The following ZDHHC15 variants were observed in gnomAD, a reference collection of about 807,000 sequenced individuals.
ZDHHC15 encodes zDHHC palmitoyltransferase 15, also known as palmitoyltransferase ZDHHC15.
A neutral mutation model predicts 31.7 loss-of-function variants in ZDHHC15; 19 were observed. That is an observed-to-expected ratio of 0.60 (90% CI 0.42 to 0.88). ZDHHC15 has a LOEUF of 0.88. Among genes scored for constraint, ZDHHC15 ranks in the 40% least tolerant of loss-of-function variants. ZDHHC15 has a pLI of 0.00. For missense variants in ZDHHC15, 209 were observed against 251.2 expected, an observed-to-expected ratio of 0.83 and a Z score of 1.14; for synonymous variants, 103 against 90.0, an observed-to-expected ratio of 1.14 and a Z score of -0.82.
At chrX:75,457,380 T>C (rs1212900456) in intron 3 of ZDHHC15, among the ~76,000 whole-genome samples, 2 of 111,383 alleles carry the variant, frequency 1.8e-5, no homozygotes, top group East Asian at 5.6e-4. Flanking sequence ...ATTCTTTATA[T>C]ATTTTGGATA....
At chrX:75,401,959 A>T (rs2083363202) in intron 10 of ZDHHC15, among the ~76,000 whole-genome samples, 1 of 112,627 alleles carries the variant, frequency 8.9e-6, no homozygotes, top group South Asian at 3.6e-4. Flanking sequence ...GCCACATGGC[A>T]CATACTCTAA....
intron 3 of ZDHHC15, among the ~76,000 whole-genome samples, chrX:75,467,789 T>C (rs1442302673): frequency 8.9e-6 from 1 of 111,814 alleles, no homozygotes; most frequent in Non-Finnish European, 1.9e-5. Flanking sequence ...GTCCATTTTA[T>C]AGTGTACAAT....
chrX:75,460,438 C>T (rs1602664513), intron 3 of ZDHHC15, among the ~76,000 whole-genome samples: 1 of 111,410 alleles, frequency 9.0e-6, no homozygotes, highest in Admixed American at 9.5e-5. Flanking sequence ...CAAAAAGCAG[C>T]CAGACTGCTT....
At chrX:75,407,593 G>A (rs1444905885) in intron 10 of ZDHHC15, among the ~76,000 whole-genome samples, 3 of 111,164 alleles carry the variant, frequency 2.7e-5, no homozygotes, top group African/African-American at 9.8e-5. Flanking sequence ...TTGGGAGGTG[G>A]GGGACAGCCC....
At chrX:75,412,360 TG>T (rs2083493840) in intron 10 of ZDHHC15, among the ~76,000 whole-genome samples, 1 of 111,541 alleles carries the variant, frequency 9.0e-6, no homozygotes, top group Non-Finnish European at 1.9e-5. Context: ...AACTAAGCTA[TG>T]GAAACAACTG....
intron 4 of ZDHHC15, among the ~76,000 whole-genome samples, chrX:75,444,204 A>C (rs1450697835): frequency 9.0e-6 from 1 of 110,588 alleles, no homozygotes; most frequent in Admixed American, 9.7e-5. Flanking sequence ...AATAGCAAAG[A>C]CTTGGAACTA....
intron 10 of ZDHHC15, among the ~76,000 whole-genome samples, chrX:75,411,877 G>A (rs2083489236): frequency 8.9e-6 from 1 of 111,917 alleles, no homozygotes; most frequent in Non-Finnish European, 1.9e-5. Flanking sequence ...CTGTATACCT[G>A]ATAAGGGGTT....
intron 2 of ZDHHC15, among the ~76,000 whole-genome samples, chrX:75,491,562 A>T (rs2084893417): frequency 9.2e-6 from 1 of 109,281 alleles, no homozygotes; most frequent in African/African-American, 3.3e-5. Context: ...CCAGCATGGC[A>T]CATGTATACA....
rs759031691 is a variant in ZDHHC15, at chrX:75,505,853, AAG to A, written c.137-8_137-7del. 2 of 1,198,972 alleles carry A rather than the reference AAG, an allele frequency of 1.7e-6. No individual in the cohort carries two copies. The highest frequency in any genetic ancestry group is 5.9e-5 in the East Asian group (2 of 33,695). Reference sequence around the variant, plus strand: ...TGCTGGGCTCAAAACAGTCACTGTGAAGAGACAGGAGAAAGAGAGACAGACAG... The same window carrying A: ...TGCTGGGCTCAAAACAGTCACTGTGAAGACAGGAGAAAGAGAGACAGACAG... On this transcript the variant is annotated splice_polypyrimidine_tract_variant and splice_region_variant and intron_variant, in intron 1 of 11. Coordinates refer to ENST00000373367, the MANE Select transcript of ZDHHC15 (RefSeq NM_144969.3).
chrX:75,411,215 A>ATT (rs58249422), intron 10 of ZDHHC15, among the ~76,000 whole-genome samples: 446 of 103,913 alleles, frequency 4.3e-3, no homozygotes, highest in South Asian at 8.9e-3. Context: ...TCTATTGTAC[A>ATT]TTTTTTTTTT....
intron 5 of ZDHHC15, among the ~76,000 whole-genome samples, chrX:75,430,778 C>G (rs1301379786): frequency 9.0e-6 from 1 of 111,260 alleles, no homozygotes; most frequent in Non-Finnish European, 1.9e-5. Flanking sequence ...TTATAGGTAC[C>G]CTTAATATGA....
chrX:75,522,797 G>T (rs375734027), intron 1 of ZDHHC15, 92 bp downstream of exon 1: 1 of 1,111,368 alleles, frequency 9.0e-7, no homozygotes, highest in Non-Finnish European at 1.2e-6. Flanking sequence ...CAGAGAGAAG[G>T]CTTGAGAACA....
At chrX:75,382,069 G>T (rs1296591704) in intron 10 of ZDHHC15, among the ~76,000 whole-genome samples, 1 of 111,913 alleles carries the variant, frequency 8.9e-6, no homozygotes, top group Non-Finnish European at 1.9e-5. Context: ...GCAGAGCTAA[G>T]CCTATATTAG....
At chrX:75,449,201 T>TAC (rs3075226) in intron 4 of ZDHHC15, among the ~76,000 whole-genome samples, 853 of 76,591 alleles carry the variant, frequency 0.011, 22 homozygotes, top group African/African-American at 0.039. Flanking sequence ...TCTCTCTCTA[T>TAC]ACACACACAC....
At chrX:75,468,663 T>C (rs1208886057) in intron 3 of ZDHHC15, among the ~76,000 whole-genome samples, 1 of 111,912 alleles carries the variant, frequency 8.9e-6, no homozygotes, top group Admixed American at 9.5e-5. Flanking sequence ...ACATCAGTCA[T>C]ACCATTTTAC....
At position 75,369,668 on chromosome X, in the gene ZDHHC15, G is replaced by A. The variant is rs1025283901; in HGVS notation, c.*3310C>T. On this transcript the variant is annotated 3_prime_UTR_variant, in exon 12 of 12. Coordinates refer to ENST00000373367, the MANE Select transcript of ZDHHC15 (RefSeq NM_144969.3). ...TGATGCCACATAGTGTGAAAAATAT[G>A]TGTCACATGGGGCTAGTAGGGGAAA... 1 of 111,631 alleles carries A rather than the reference G, an allele frequency of 9.0e-6. No individual in the cohort carries two copies. The highest frequency in any genetic ancestry group is 1.9e-5 in the Non-Finnish European group (1 of 53,194). 9.2% of individuals were successfully genotyped at this position (111,631 alleles called of 1,213,427 possible). A position where few individuals can be genotyped will look rare whatever the true frequency, so the allele number is the denominator to read the frequency against.
At chrX:75,496,085 C>G (rs1055554938) in intron 2 of ZDHHC15, among the ~76,000 whole-genome samples, 2 of 110,868 alleles carry the variant, frequency 1.8e-5, no homozygotes, top group African/African-American at 6.6e-5. Flanking sequence ...ATCTACCACT[C>G]AAGTATCTCC....
intron 3 of ZDHHC15, among the ~76,000 whole-genome samples, chrX:75,474,046 G>T (rs1209722911): frequency 9.0e-6 from 1 of 110,895 alleles, no homozygotes; most frequent in Non-Finnish European, 1.9e-5. Flanking sequence ...GACAAGGGTG[G>T]ACTTGTGATG....
At chrX:75,468,707 C>T (rs751351736) in intron 3 of ZDHHC15, among the ~76,000 whole-genome samples, 108 of 111,753 alleles carry the variant, frequency 9.7e-4, no homozygotes, top group Admixed American at 5.3e-3. Flanking sequence ...ATTCTGATTT[C>T]TTCACATCCT....
Sources: gnomAD v4.1 joint callset for allele counts (sites outside exome capture counted in the v4.1 genomes callset) on GRCh38, gnomAD v4.1.1 for gene constraint, MANE v1.5 for transcripts, NCBI Gene and HGNC (gene_info 2026-07-23, HGNC 2026-07-21) for gene names.